ADAP1: variants seen among roughly 807,000 people sequenced by gnomAD.
ADAP1 encodes the protein arf-GAP with dual PH domain-containing protein 1.
Under a neutral mutation model 54.9 loss-of-function variants are expected in ADAP1, and 31 were observed. The observed-to-expected ratio is 0.56, with a 90% CI of 0.42 to 0.76. ADAP1 has a LOEUF of 0.76. ADAP1 is among the 30% of genes least tolerant of loss of function. ADAP1 has a pLI of 0.00. For missense variants in ADAP1, 535 were observed against 512.4 expected (o/e 1.04, Z -0.42); for synonymous variants, 313 against 202.6 (o/e 1.55, Z -4.63).
chr7:937,016 C>T (rs956141857), intron 1 of ADAP1, among the ~76,000 whole-genome samples: 9 of 152,062 alleles, frequency 5.9e-5, no homozygotes, highest in Non-Finnish European at 1.2e-4. Flanking sequence ...AGCCCCCGGC[C>T]GGGGATGGTG....
chr7:905,553 A>AGAAAGGAGAAAGGAGAAAGG (rs1845165153), intron 4 of ADAP1: 1 of 5,106 alleles, frequency 2.0e-4, no homozygotes, highest in Non-Finnish European at 4.0e-4. Context: ...GGGAGAAGGG[A>AGAAAGGAGAAAGGAGAAAGG]GAAAGGAGAA....
chr7:899,602 T>G, intron 8 of ADAP1, 112 bp from the exon 9 acceptor site: 2 of 1,232,662 alleles, frequency 1.6e-6, no homozygotes, highest in Non-Finnish European at 1.1e-6. Context: ...GTCAGTCACC[T>G]CCATTCACTC....
At chr7:914,090 C>A (rs913059278) in intron 4 of ADAP1, among the ~76,000 whole-genome samples, 1 of 152,218 alleles carries the variant, frequency 6.6e-6, no homozygotes, top group African/African-American at 2.4e-5. Flanking sequence ...TGAGAACAAC[C>A]CGGCCATTTC....
At chr7:919,558 GAGATAGAGAGAGGATGAGATAGACGTGA>G (rs1349646948) in intron 4 of ADAP1, among the ~76,000 whole-genome samples, 3 of 147,492 alleles carry the variant, frequency 2.0e-5, no homozygotes, top group Non-Finnish European at 4.5e-5. Flanking sequence ...GGGAGAGACA[GAGATAGAGAGAGGATGAGATAGACGTGA>G]AGAGAGAGGA....
Position 904,945 on chromosome 7 carries a change from G to T in ADAP1, c.501+115C>A, listed in dbSNP as rs550295536. 5.7e-3 allele frequency: 5,009 copies of T among 884,526 alleles called. 16 individuals are homozygous for T. Among genetic ancestry groups the T allele is most frequent in the Non-Finnish European group, 7.6e-3 (4,249 of 557,900 alleles). The allele number at this position is 884,526 out of a possible 1,614,324, so 54.8% of individuals were successfully genotyped here. A position where few individuals can be genotyped will look rare whatever the true frequency, so the allele number is the denominator to read the frequency against. The stretch of plus-strand genomic sequence containing the variant: ...CGGTTCTCCTGGAGCGTCCCCATCG[G>T]GGGGGGCAGCAGGGAGGGCAGCTGC... On this transcript the variant is annotated intron_variant, in intron 5 of 10. Coordinates refer to ENST00000265846, the MANE Select transcript of ADAP1 (RefSeq NM_006869.4).
At chr7:904,946 G>A (rs879871541) in intron 5 of ADAP1, 114 bp downstream of exon 5, 18 of 887,930 alleles carry the variant, frequency 2.0e-5, no homozygotes, top group Admixed American at 9.9e-5. Flanking sequence ...TCCCCATCGG[G>A]GGGGGCAGCA....
At chr7:911,837 G>A (rs207467606) in intron 4 of ADAP1, among the ~76,000 whole-genome samples, 2 of 151,988 alleles carry the variant, frequency 1.3e-5, no homozygotes, top group Admixed American at 6.5e-5. Context: ...GCCAGGAGCC[G>A]ACACCCACCC....
At chr7:924,306 C>T (rs58174608) in intron 3 of ADAP1, among the ~76,000 whole-genome samples, 6 of 79,270 alleles carry the variant, frequency 7.6e-5, no homozygotes, top group African/African-American at 1.7e-4. Flanking sequence ...AGCGGGTCCA[C>T]GCTGCACCCC....
In ADAP1 at chr7:920,890, G is replaced by A. The variant is rs187345422; in HGVS notation, c.306-840C>T. The stretch of plus-strand genomic sequence containing the variant: ...GCCTTTTCCACTCCCAGGGAATTAC[G>A]CGGCAAAGAACAAATAGGAACCCTG... On this transcript the variant is annotated intron_variant, in intron 3 of 10. Coordinates refer to ENST00000265846, the MANE Select transcript of ADAP1 (RefSeq NM_006869.4). The surrounding 1 kb of genome is among the most constrained non-coding windows in gnomAD (Gnocchi z 4.5). 7 of 1,549,406 alleles carry A rather than the reference G, an allele frequency of 4.5e-6. No individual in the cohort carries two copies. The highest frequency in any genetic ancestry group is 4.4e-6 in the Non-Finnish European group (5 of 1,146,432).
chr7:927,217 C>A, intron 2 of ADAP1: 2 of 1,272,876 alleles, frequency 1.6e-6, no homozygotes, highest in Non-Finnish European at 2.1e-6. Flanking sequence ...GAGAAGGAAA[C>A]GGCGCCGTGA....
Position 911,073 on chromosome 7 carries a change from T to C in ADAP1, c.389-5901A>G, listed in dbSNP as rs1025161605. On this transcript the variant is annotated intron_variant, in intron 4 of 10. Transcript: ENST00000265846. ...TGCACCTTCTCCAGGTTGGTGCGTC[T>C]GGGGCCGGCAGAGGCTGAGAACCAG... 2.5e-4 allele frequency among the ~76,000 whole-genome samples: 38 copies of C among 152,130 alleles called. 1 individual carries two copies. Among genetic ancestry groups the C allele is most frequent in the Admixed American group, 2.0e-4 (3 of 15,284 alleles).
chr7:918,664 C>A (rs1846032347), intron 4 of ADAP1, among the ~76,000 whole-genome samples: 1 of 152,204 alleles, frequency 6.6e-6, no homozygotes, highest in South Asian at 2.1e-4. Flanking sequence ...CCCGCCCTGC[C>A]CGTGCTGACG....
Position 922,638 on chromosome 7 carries a change from C to T in ADAP1, c.306-2588G>A, listed in dbSNP as rs181269034. On this transcript the variant is annotated intron_variant, in intron 3 of 10. Coordinates refer to ENST00000265846, the MANE Select transcript of ADAP1 (RefSeq NM_006869.4). Reference sequence around the variant, plus strand: ...CTGCCCGAGTTCTGCCAGTTTCCACCGCATGGAGTTCAGGACACCATCAAC... The same window carrying T: ...CTGCCCGAGTTCTGCCAGTTTCCACTGCATGGAGTTCAGGACACCATCAAC... Among the ~76,000 whole-genome samples the T allele has an allele frequency of 1.8e-3, 281 of 152,188 alleles. 2 individuals are homozygous for T. The highest frequency in any genetic ancestry group is 1.1e-3 in the Non-Finnish European group (72 of 67,994).
At chr7:919,789 G>GAAGGGGGGA (rs1365466544) in intron 4 of ADAP1, among the ~76,000 whole-genome samples, 179 bp downstream of exon 4, 5 of 14,990 alleles carry the variant, frequency 3.3e-4, no homozygotes, top group East Asian at 4.5e-3. Context: ...GGGAGATGGG[G>GAAGGGGGGA]GAGGGAGGGA....
At chr7:943,045 GAGA>G (rs1847013154) in intron 1 of ADAP1, among the ~76,000 whole-genome samples, 1 of 22,102 alleles carries the variant, frequency 4.5e-5, no homozygotes, top group Non-Finnish European at 8.0e-5. Flanking sequence ...GAGGAAGGGA[GAGA>G]CGAGGAGGAA....
intron 6 of ADAP1, chr7:903,923 G>A: frequency 5.0e-6 from 3 of 601,852 alleles, no homozygotes; most frequent in Non-Finnish European, 5.4e-6. Context: ...GTCTTCCCAT[G>A]CTGCCCGGCG....
intron 5 of ADAP1, among the ~76,000 whole-genome samples, 178 bp from the exon 6 acceptor site, chr7:904,450 T>A (rs1409194239): frequency 6.6e-6 from 1 of 152,148 alleles, no homozygotes; most frequent in African/African-American, 2.4e-5. Flanking sequence ...TAACAGCACC[T>A]CCCTCCCAGG....
chr7:919,892 G>GGAAAGAGATGGGGGAGGGAGA (rs1846117153), intron 4 of ADAP1, 76 bp downstream of exon 4: 3 of 983,224 alleles, frequency 3.1e-6, no homozygotes, highest in Non-Finnish European at 4.3e-6. Context: ...GGGGAGGGAG[G>GGAAAGAGATGGGGGAGGGAGA]GAAAGAGATG....
At chr7:907,774 G>A (rs1250283257) in intron 4 of ADAP1, among the ~76,000 whole-genome samples, 4 of 152,178 alleles carry the variant, frequency 2.6e-5, no homozygotes, top group African/African-American at 7.2e-5. Flanking sequence ...TGCAGGTCCC[G>A]CCGTTGGCAG....
Sources: allele counts gnomAD v4.1 joint callset (sites outside exome capture counted in the v4.1 genomes callset), GRCh38; gene constraint gnomAD v4.1.1; non-coding constraint Gnocchi (gnomAD v3.1); transcripts MANE v1.5; gene names NCBI Gene and HGNC (gene_info 2026-07-23, HGNC 2026-07-21).